ELAVL2: variants seen among roughly 807,000 people sequenced by gnomAD.
The protein encoded by ELAVL2 is ELAV-like protein 2.
In ELAVL2, 4 loss-of-function variants were observed where a neutral mutation model predicts 34.6. The observed-to-expected ratio is 0.12, with a 90% CI of 0.06 to 0.26. The LOEUF is 0.26. Among genes scored for constraint, ELAVL2 ranks in the 10% least tolerant of loss-of-function variants. The pLI is 1.00. For missense variants in ELAVL2, 432 were observed against 442.8 expected, an observed-to-expected ratio of 0.98 and a Z score of 0.22; for synonymous variants, 193 against 154.8, an observed-to-expected ratio of 1.25 and a Z score of -1.83.
intron 1 of ELAVL2, among the ~76,000 whole-genome samples, chr9:23,770,977 C>T (rs533594889): frequency 2.6e-4 from 40 of 151,958 alleles, no homozygotes; most frequent in Admixed American, 6.6e-4. Context: ...GTAATGAGGC[C>T]GGAACACATA....
At chr9:23,739,901 CA>C (rs2048760861) in intron 2 of ELAVL2, among the ~76,000 whole-genome samples, 1 of 151,906 alleles carries the variant, frequency 6.6e-6, no homozygotes, top group Non-Finnish European at 1.5e-5. Context: ...CCACAAGAAA[CA>C]AAAAATTTAA....
intron 3 of ELAVL2, among the ~76,000 whole-genome samples, chr9:23,719,641 A>G (rs150898295): frequency 6.6e-6 from 1 of 152,120 alleles, no homozygotes; most frequent in South Asian, 2.1e-4. Flanking sequence ...TATAGCAAAA[A>G]ATTTTTTCCT....
At chr9:23,821,702 T>G in intron 1 of ELAVL2, 1 of 151,838 alleles carries the variant, frequency 6.6e-6, no homozygotes, top group South Asian at 2.0e-4. Flanking sequence ...GGAGAGGCGG[T>G]GGCGGCGGCG....
At chr9:23,796,608 G>A (rs1304086007) in intron 1 of ELAVL2, among the ~76,000 whole-genome samples, 6 of 152,166 alleles carry the variant, frequency 3.9e-5, no homozygotes, top group Admixed American at 1.3e-4. Flanking sequence ...GCCTCACTAG[G>A]GCAATGGCTG....
chr9:23,784,013 T>A (rs917519978), intron 1 of ELAVL2, among the ~76,000 whole-genome samples: 3 of 151,590 alleles, frequency 2.0e-5, no homozygotes, highest in Admixed American at 1.3e-4. Context: ...GCTAACACGG[T>A]GAAACCCCGT....
At chr9:23,787,229 T>C (rs1373474036) in intron 1 of ELAVL2, among the ~76,000 whole-genome samples, 1 of 151,950 alleles carries the variant, frequency 6.6e-6, no homozygotes, top group Non-Finnish European at 1.5e-5. Context: ...CCTGTGATCC[T>C]AATAACTTAA....
At chr9:23,731,400 A>T (rs1210517253) in intron 2 of ELAVL2, among the ~76,000 whole-genome samples, 1 of 152,036 alleles carries the variant, frequency 6.6e-6, no homozygotes, top group Non-Finnish European at 1.5e-5. Context: ...GAGCCAGAGT[A>T]TACCATCAGC....
intron 3 of ELAVL2, among the ~76,000 whole-genome samples, chr9:23,710,317 G>T (rs956811586): frequency 3.3e-5 from 5 of 152,136 alleles, no homozygotes; most frequent in African/African-American, 1.2e-4. Flanking sequence ...ACCATCTTAT[G>T]AATTAGTACT....
chr9:23,812,373 C>T (rs1253867124), intron 1 of ELAVL2, among the ~76,000 whole-genome samples: 2 of 152,252 alleles, frequency 1.3e-5, no homozygotes, highest in South Asian at 2.1e-4. Context: ...AAGCCCTAAG[C>T]TTCAAGTTAA....
intron 1 of ELAVL2, among the ~76,000 whole-genome samples, chr9:23,797,846 T>G (rs552559369): frequency 2.6e-5 from 4 of 152,066 alleles, no homozygotes; most frequent in Non-Finnish European, 5.9e-5. Context: ...GAGAATCTCT[T>G]GAACCTGGGA....
At chr9:23,727,707 C>T (rs547973829) in intron 3 of ELAVL2, among the ~76,000 whole-genome samples, 1 of 152,030 alleles carries the variant, frequency 6.6e-6, no homozygotes, top group South Asian at 2.1e-4. Flanking sequence ...GATTAAGATG[C>T]AACCAAAGTT....
intron 2 of ELAVL2, among the ~76,000 whole-genome samples, chr9:23,759,370 C>T (rs12057071): frequency 7.3e-5 from 11 of 151,270 alleles, no homozygotes; most frequent in African/African-American, 9.7e-5. Context: ...TCATTGGAGG[C>T]GAGAGCAGAA....
chr9:23,827,906 G>A (rs539450449), upstream of ELAVL2, among the ~76,000 whole-genome samples: 16 of 152,262 alleles, frequency 1.1e-4, no homozygotes, highest in East Asian at 2.7e-3. Context: ...GCTTGAGAAA[G>A]AAGGCCTGAA....
At chr9:23,761,857 A>C (rs1277191116) in intron 2 of ELAVL2, 149 bp downstream of exon 2, 2 of 1,139,074 alleles carry the variant, frequency 1.8e-6, no homozygotes, top group Admixed American at 3.2e-5. Context: ...ATTTTAAACT[A>C]AGTTTCATAT....
upstream of ELAVL2, chr9:23,826,247 G>T (rs1451456752): frequency 2.6e-5 from 4 of 152,324 alleles, no homozygotes; most frequent in African/African-American, 9.6e-5. Flanking sequence ...TCTTAAAAGG[G>T]AGGTGGACTG....
chr9:23,777,916 A>G (rs1440317153), intron 1 of ELAVL2, among the ~76,000 whole-genome samples: 1 of 152,174 alleles, frequency 6.6e-6, no homozygotes, highest in Non-Finnish European at 1.5e-5. Context: ...ACCAAGGTTG[A>G]CTACACATTA....
intron 1 of ELAVL2, among the ~76,000 whole-genome samples, chr9:23,771,585 A>G (rs189659064): frequency 6.6e-6 from 1 of 152,272 alleles, no homozygotes; most frequent in African/African-American, 2.4e-5. Context: ...GAATCAACTG[A>G]TTCATTTAGG....
chr9:23,756,129 C>T (rs1220299782), intron 2 of ELAVL2, among the ~76,000 whole-genome samples: 3 of 152,106 alleles, frequency 2.0e-5, no homozygotes, highest in Non-Finnish European at 2.9e-5. Flanking sequence ...TTGGAAATCA[C>T]ATTATTTTGA....
chr9:23,792,680 C>T (rs768596306), intron 1 of ELAVL2, among the ~76,000 whole-genome samples: 43 of 152,224 alleles, frequency 2.8e-4, no homozygotes, highest in Non-Finnish European at 4.9e-4. Context: ...TTTCTCCCAA[C>T]TTCTCAAGCC....
Sources: gnomAD v4.1 joint callset for allele counts (sites outside exome capture counted in the v4.1 genomes callset) on GRCh38, gnomAD v4.1.1 for gene constraint, MANE v1.5 for transcripts, NCBI Gene and HGNC (gene_info 2026-07-23, HGNC 2026-07-21) for gene names.